COL4A6: variants seen among roughly 807,000 people sequenced by gnomAD.
COL4A6 encodes the protein collagen alpha-6(IV) chain.
A neutral mutation model predicts 126.7 loss-of-function variants in COL4A6; 59 were observed. That is an observed-to-expected ratio of 0.47 (90% CI 0.38 to 0.58). The LOEUF (loss-of-function observed/expected upper bound fraction) is 0.58, where lower values mean the gene tolerates loss of function less well. Among genes scored for constraint, COL4A6 ranks in the 20% least tolerant of loss-of-function variants. COL4A6 has a pLI of 0.00. For missense variants in COL4A6, 1,285 were observed against 1,337.3 expected (o/e 0.96, Z 0.61); for synonymous variants, 547 against 496.6 (o/e 1.10, Z -1.35).
chrX:108,281,750 A>G (rs1464916339), intron 3 of COL4A6, among the ~76,000 whole-genome samples: 1 of 110,539 alleles, frequency 9.0e-6, no homozygotes, highest in Non-Finnish European at 1.9e-5. Flanking sequence ...AAACTATACT[A>G]CAAGGCTACA....
intron 2 of COL4A6, among the ~76,000 whole-genome samples, chrX:108,377,554 TTC>T (rs1220725978): frequency 2.5e-4 from 27 of 107,146 alleles, no homozygotes; most frequent in South Asian, 7.9e-4. Context: ...GAAAAAAAAT[TTC>T]TTTTTTTTTT....
intron 2 of COL4A6, among the ~76,000 whole-genome samples, chrX:108,373,836 T>A (rs761092783): frequency 1.7e-4 from 19 of 112,311 alleles, no homozygotes; most frequent in Non-Finnish European, 3.0e-4. Context: ...CCTCAGATCC[T>A]TTGCTCCTTT....
intron 2 of COL4A6, among the ~76,000 whole-genome samples, chrX:108,419,278 G>A (rs2041488495): frequency 8.9e-6 from 1 of 111,739 alleles, no homozygotes; most frequent in Non-Finnish European, 1.9e-5. Context: ...TATATACAAT[G>A]CCTTATTTTA....
At chrX:108,438,490 C>T, upstream of COL4A6, 2 of 983,286 alleles carry the variant, frequency 2.0e-6, no homozygotes, top group South Asian at 4.6e-5. Flanking sequence ...TCAATCATCC[C>T]CCCTACCTTG....
In COL4A6 at chrX:108,192,563, C is replaced by A; in HGVS notation, c.1090G>T (p.Gly364Cys). Residue 364 changes from glycine (G) to cysteine (C), a missense_variant, in exon 18 of 45, where the codon GGT (glycine) becomes TGT (cysteine). Physicochemically the swap from Gly to Cys is radical, Grantham distance 159. Transcript: ENST00000334504. ...AVISGNPGDPGVPGLPGLKGD... is the reference protein window; with the variant it reads ...AVISGNPGDPCVPGLPGLKGD... ...TTAAGGCCTGGGAGGCCAGGTACAC[C>A]AGGATCTCCAGGATTACCTGGCATT... 8.4e-7 allele frequency: 1 copy of A among 1,185,812 alleles called. No individual in the cohort carries two copies.
intron 2 of COL4A6, among the ~76,000 whole-genome samples, chrX:108,384,406 C>A (rs1164070057): frequency 8.9e-6 from 1 of 112,519 alleles, no homozygotes; most frequent in Non-Finnish European, 1.9e-5. Context: ...GGCACAGATT[C>A]AAGAAACAGG....
intron 2 of COL4A6, among the ~76,000 whole-genome samples, chrX:108,411,275 A>G (rs1168915894): frequency 8.9e-6 from 1 of 112,072 alleles, no homozygotes; most frequent in Non-Finnish European, 1.9e-5. Flanking sequence ...CCTTAAAAAT[A>G]TAAGGAAAAG....
chrX:108,351,288 G>T (rs2039836217), intron 2 of COL4A6, among the ~76,000 whole-genome samples: 1 of 111,235 alleles, frequency 9.0e-6, no homozygotes, highest in Non-Finnish European at 1.9e-5. Context: ...GTTGGGGGGT[G>T]GAATGGTATT....
At chrX:108,359,831 G>C (rs751591955) in intron 2 of COL4A6, among the ~76,000 whole-genome samples, 14 of 112,237 alleles carry the variant, frequency 1.2e-4, no homozygotes, top group Admixed American at 9.5e-4. Context: ...ATAAGTTTCA[G>C]GGTAATACCG....
intron 21 of COL4A6, among the ~76,000 whole-genome samples, 185 bp downstream of exon 21, chrX:108,188,332 G>A (rs983055486): frequency 8.9e-6 from 1 of 112,331 alleles, no homozygotes; most frequent in Non-Finnish European, 1.9e-5. Context: ...AGGGAAAATA[G>A]GTAGGTTAAA....
chrX:108,238,892 G>T (rs1231324150), intron 3 of COL4A6, among the ~76,000 whole-genome samples: 1 of 111,774 alleles, frequency 8.9e-6, no homozygotes, highest in African/African-American at 3.3e-5. Flanking sequence ...AATCTGATAA[G>T]TATAACTTGA....
chrX:108,188,821 C>T (rs2034952294), intron 20 of COL4A6, 144 bp from the exon 21 acceptor site: 1 of 561,331 alleles, frequency 1.8e-6, no homozygotes, highest in Non-Finnish European at 2.6e-6. Flanking sequence ...GAACTTGGTT[C>T]ACTCTCCAGC....
intron 3 of COL4A6, among the ~76,000 whole-genome samples, chrX:108,276,714 T>G (rs1164401481): frequency 9.0e-6 from 1 of 111,619 alleles, no homozygotes; most frequent in Non-Finnish European, 1.9e-5. Flanking sequence ...AACTTCTTCC[T>G]GCTCCTAAGG....
chrX:108,283,252 CCACAGTTTGAAAA>C (rs1415227602), intron 3 of COL4A6, among the ~76,000 whole-genome samples: 1 of 111,930 alleles, frequency 8.9e-6, no homozygotes, highest in African/African-American at 3.2e-5. Flanking sequence ...GCTTGGTGAT[CCACAGTTTGAAAA>C]CACAGTTTGG....
At chrX:108,382,976 A>ATAATAG (rs1569450705) in intron 2 of COL4A6, among the ~76,000 whole-genome samples, 5 of 103,775 alleles carry the variant, frequency 4.8e-5, no homozygotes, top group African/African-American at 1.7e-4. Context: ...AATAATAATA[A>ATAATAG]TAATAATAAT....
intron 2 of COL4A6, among the ~76,000 whole-genome samples, chrX:108,431,047 T>C (rs188522084): frequency 7.6e-4 from 85 of 111,228 alleles, no homozygotes; most frequent in African/African-American, 2.5e-3. Flanking sequence ...GTTAAAACCA[T>C]TGAGGCAAGA....
At chrX:108,184,011 C>T (rs2034770840) in intron 23 of COL4A6, among the ~76,000 whole-genome samples, 1 of 111,685 alleles carries the variant, frequency 9.0e-6, no homozygotes, top group South Asian at 3.8e-4. Flanking sequence ...CAGTTGTCTG[C>T]TTGCCCAAAG....
At chrX:108,322,382 A>G (rs2039051805) in intron 2 of COL4A6, among the ~76,000 whole-genome samples, 2 of 112,044 alleles carry the variant, frequency 1.8e-5, no homozygotes, top group Admixed American at 1.9e-4. Flanking sequence ...CTTTATTTTA[A>G]GGAAGAAGCT....
chrX:108,438,450 T>C (rs936122439), upstream of COL4A6: 2 of 999,528 alleles, frequency 2.0e-6, no homozygotes, highest in East Asian at 3.9e-5. Context: ...GAGGAAAGAA[T>C]GGAGGGGAAA....
Sources: gnomAD v4.1 joint callset for allele counts (sites outside exome capture counted in the v4.1 genomes callset) on GRCh38, gnomAD v4.1.1 for gene constraint, MANE v1.5 for transcripts, NCBI Gene and HGNC (gene_info 2026-07-23, HGNC 2026-07-21) for gene names.